Variants in TGM2 observed in about 807,000 individuals in gnomAD.
TGM2 encodes the protein protein-glutamine gamma-glutamyltransferase 2.
Under a neutral mutation model 75.6 loss-of-function variants are expected in TGM2, and 53 were observed. The ratio of observed to expected loss-of-function variants is 0.70; its 90% CI spans 0.56 to 0.88. The LOEUF is 0.88. Ranked by LOEUF, TGM2 falls within the 40% of genes least tolerant of loss-of-function variation. TGM2 has a pLI of 0.00. For synonymous variants in TGM2, 374 were observed against 381.1 expected, an observed-to-expected ratio of 0.98 and a Z score of 0.22; for missense variants, 842 against 928.5, an observed-to-expected ratio of 0.91 and a Z score of 1.21.
chr20:38,139,174 C>T (rs1247047299), intron 9 of TGM2, among the ~76,000 whole-genome samples: 1 of 152,174 alleles, frequency 6.6e-6, no homozygotes, highest in African/African-American at 2.4e-5. Flanking sequence ...TCCCCTGCAA[C>T]TGATTTAACA....
Position 38,151,026 on chromosome 20 carries a change from C to T in TGM2, c.465G>A (p.Glu155=). Residue 155 remains glutamate, a synonymous_variant, in exon 4 of 13, where the codon GAG becomes GAA. Coordinates refer to ENST00000361475, the MANE Select transcript of TGM2 (RefSeq NM_004613.4). ...GCTGGGTGAGGACATACTCCTGCCG[C>T]TCCTCTTCCGAGTCCAGGTACACAG... ...ADAVYLDSEE[E]RQEYVLTQQG... is the part of the protein sequence containing the mutation. 6.2e-7 allele frequency: 1 copy of T among 1,614,136 alleles called. No individual in the cohort carries two copies. Among genetic ancestry groups the T allele is most frequent in the East Asian group, 2.2e-5 (1 of 44,892 alleles).
intron 3 of TGM2, among the ~76,000 whole-genome samples, chr20:38,153,247 G>C (rs4811518): frequency 0.09 from 13,756 of 152,136 alleles, 775 homozygotes; most frequent in Admixed American, 0.17. Flanking sequence ...AGATGTGGCC[G>C]GGCGTGGTGG....
chr20:38,130,086 T>C lies in TGM2; in HGVS notation c.*133A>G, dbSNP rs1600473290. 2.4e-6 allele frequency: 3 copies of C among 1,237,932 alleles called. No homozygotes were observed. In the South Asian group the frequency reaches 4.3e-5, roughly 18 times the overall value. 76.7% of individuals were successfully genotyped at this position (1,237,932 alleles called of 1,614,324 possible). On this transcript the variant is annotated 3_prime_UTR_variant, in exon 13 of 13. Coordinates refer to ENST00000361475, the MANE Select transcript of TGM2 (RefSeq NM_004613.4). ...AGATGGGCCAGGGGCACATTCCATT[T>C]CCGAGAGCCCCCATAGGCTGCCCAC...
Position 38,150,963 on chromosome 20 carries a change from C to T in TGM2, c.528G>A (p.Lys176=). 6.2e-7 allele frequency: 1 copy of T among 1,614,156 alleles called. No individual in the cohort carries two copies. Among genetic ancestry groups the T allele is most frequent in the South Asian group, 1.1e-5 (1 of 91,074 alleles). Residue 176 remains lysine, a synonymous_variant, in exon 4 of 13, where the codon AAG becomes AAA. Coordinates refer to ENST00000361475, the MANE Select transcript of TGM2 (RefSeq NM_004613.4). ...FIYQGSAKFI[K]NIPWNFGQFE... ...CCTGCCCAAAATTCCAAGGTATGTT[C>T]TTGATGAACTTGGCCGAGCCCTGGT...
chr20:38,164,794 T>C (rs896473230), intron 1 of TGM2, among the ~76,000 whole-genome samples: 5 of 152,104 alleles, frequency 3.3e-5, no homozygotes, highest in African/African-American at 1.2e-4. Flanking sequence ...CGGCGTGGCA[T>C]GCACACCACC....
Position 38,129,463 on chromosome 20 carries a change from T to C in TGM2, c.*756A>G, listed in dbSNP as rs550561232. On this transcript the variant is annotated 3_prime_UTR_variant, in exon 13 of 13. Transcript: ENST00000361475. Reference sequence around the variant, plus strand: ...GAGGCCCAGACTCTGCTCTTGGGCCTTCACATTACCCAGCCTTGCTAATAA... The same window carrying C: ...GAGGCCCAGACTCTGCTCTTGGGCCCTCACATTACCCAGCCTTGCTAATAA... The C allele has an allele frequency of 6.6e-6, 1 of 152,350 alleles. No homozygotes were observed. The highest frequency in any genetic ancestry group is 1.9e-4 in the East Asian group (1 of 5,182). 9.4% of individuals were successfully genotyped at this position (152,350 alleles called of 1,614,324 possible). A position where few individuals can be genotyped will look rare whatever the true frequency, so the allele number is the denominator to read the frequency against.
At chr20:38,137,937 T>G (rs2074919746) in intron 10 of TGM2, 176 bp downstream of exon 10, 2 of 1,391,986 alleles carry the variant, frequency 1.4e-6, no homozygotes, top group Non-Finnish European at 9.5e-7. Context: ...CCCCTCACTC[T>G]TGCAATAAGA....
chr20:38,140,736 C>G (rs927739339), intron 8 of TGM2, among the ~76,000 whole-genome samples: 4 of 152,192 alleles, frequency 2.6e-5, no homozygotes, highest in African/African-American at 9.7e-5. Context: ...GTTATTATAT[C>G]ATAAATTCAT....
At chr20:38,154,147 T>C (rs1254762582) in intron 3 of TGM2, among the ~76,000 whole-genome samples, 1 of 152,148 alleles carries the variant, frequency 6.6e-6, no homozygotes, top group Non-Finnish European at 1.5e-5. Context: ...GAAGCTTTTC[T>C]AAAGAGAATG....
chr20:38,148,183 C>T, intron 4 of TGM2, 94 bp from the exon 5 acceptor site: 1 of 1,536,126 alleles, frequency 6.5e-7, no homozygotes, highest in East Asian at 2.3e-5. Flanking sequence ...GTTTCCCACT[C>T]TGTCCCACAC....
chr20:38,147,467 C>T (rs1008545228), intron 5 of TGM2, among the ~76,000 whole-genome samples: 1 of 152,200 alleles, frequency 6.6e-6, no homozygotes, highest in Non-Finnish European at 1.5e-5. Flanking sequence ...GCCTGGAATG[C>T]CCTTCTCCTG....
intron 12 of TGM2, 51 bp downstream of exon 12, chr20:38,131,042 G>T: frequency 6.2e-7 from 1 of 1,606,286 alleles, no homozygotes. Flanking sequence ...TACCCCCACC[G>T]GCATCTGCCC....
chr20:38,153,534 A>AAAAG (rs1568698203), intron 3 of TGM2, among the ~76,000 whole-genome samples: 31 of 143,958 alleles, frequency 2.2e-4, no homozygotes, highest in East Asian at 1.4e-3. Flanking sequence ...CAAAAAAAAG[A>AAAAG]AAAAAAAAAA....
At chr20:38,144,970 C>T (rs56877227) in intron 6 of TGM2, among the ~76,000 whole-genome samples, 8,810 of 152,220 alleles carry the variant, frequency 0.058, 827 homozygotes, top group African/African-American at 0.2. Flanking sequence ...GGGTTTCTGC[C>T]GGTGAGCCTG....
chr20:38,159,542 G>A (rs79769655), intron 2 of TGM2, among the ~76,000 whole-genome samples: 1 of 136,730 alleles, frequency 7.3e-6, no homozygotes, highest in Non-Finnish European at 1.7e-5. Flanking sequence ...AAGAAAGAAA[G>A]AAAAATAAAT....
intron 2 of TGM2, among the ~76,000 whole-genome samples, 197 bp from the exon 3 acceptor site, chr20:38,156,286 G>T (rs2075186729): frequency 6.6e-6 from 1 of 152,252 alleles, no homozygotes. Flanking sequence ...AGCCTTTTAG[G>T]GTGGTTTTGT....
chr20:38,146,705 C>A lies in TGM2; in HGVS notation c.859+12G>T, dbSNP rs45438891. 11 of 1,612,688 alleles carry A rather than the reference C, an allele frequency of 6.8e-6. No individual in the cohort carries two copies. Among genetic ancestry groups the A allele is most frequent in the South Asian group, 2.2e-5 (2 of 91,022 alleles). Reference sequence around the variant, plus strand: ...CCAGGGCTCATGACCCACATCCCAGCGTGCAGCTCACCTGTGCAGGCCACG... The same window carrying A: ...CCAGGGCTCATGACCCACATCCCAGAGTGCAGCTCACCTGTGCAGGCCACG... On this transcript the variant is annotated intron_variant, in intron 6 of 12. Coordinates refer to ENST00000361475, the MANE Select transcript of TGM2 (RefSeq NM_004613.4).
chr20:38,146,873 C>T lies in TGM2; in HGVS notation c.703G>A (p.Gly235Ser), dbSNP rs772787175. The T allele has an allele frequency of 1.2e-6, 2 of 1,613,562 alleles. No homozygotes were observed. Among genetic ancestry groups the T allele is most frequent in the East Asian group, 2.2e-5 (1 of 44,894 alleles). Reference protein sequence around the residue: ...SGMVNCNDDQGVLLGRWDNNY... With the variant: ...SGMVNCNDDQSVLLGRWDNNY... ...TTGTCCCAGCGTCCCAGCAGCACAC[C>T]CTGGTCATCGTTGCAGTTGACCTGC... The change falls in exon 6 of 13, where the codon GGT (glycine) becomes AGT (serine). Residue 235 changes from glycine to serine, a missense_variant. By Grantham distance (56) the Gly-to-Ser change is moderately conservative. Transcript: ENST00000361475.
Position 38,139,763 on chromosome 20 carries a change from G to A in TGM2, c.1100-109C>T, listed in dbSNP as rs367888337. On this transcript the variant is annotated intron_variant, in intron 8 of 12. Coordinates refer to ENST00000361475, the MANE Select transcript of TGM2 (RefSeq NM_004613.4). ...GTAGCCAAAAACCTCAAGACCACGCGGCCCTCTGACGGAAGGACTCCACTT... is the reference window on the plus strand; with the variant it reads ...GTAGCCAAAAACCTCAAGACCACGCAGCCCTCTGACGGAAGGACTCCACTT... The A allele has an allele frequency of 2.5e-4, 363 of 1,448,500 alleles. No individual in the cohort carries two copies. The African/African-American group carries it at 4.3e-3, about 17-fold the overall frequency. 89.7% of individuals were successfully genotyped at this position (1,448,500 alleles called of 1,614,324 possible). A position where few individuals can be genotyped will look rare whatever the true frequency, so the allele number is the denominator to read the frequency against.
Sources: allele counts gnomAD v4.1 joint callset (sites outside exome capture counted in the v4.1 genomes callset), GRCh38; gene constraint gnomAD v4.1.1; transcripts MANE v1.5; gene names NCBI Gene and HGNC (gene_info 2026-07-23, HGNC 2026-07-21).